GPN1: variants seen among roughly 807,000 people sequenced by gnomAD.
The protein encoded by GPN1 is GPN-loop GTPase 1, also known as ATP(GTP)-binding protein.
Under a neutral mutation model 55.9 loss-of-function variants are expected in GPN1, and 44 were observed. That is an observed-to-expected ratio of 0.79 (90% confidence interval 0.62 to 1.01). GPN1 has a LOEUF of 1.01. Among genes scored for constraint, GPN1 ranks in the 50% least tolerant of loss-of-function variants. The pLI is 0.00. For missense variants in GPN1, 466 were observed against 462.8 expected (o/e 1.01, Z -0.06); for synonymous variants, 179 against 162.5 (o/e 1.10, Z -0.77).
At chr2:27,629,531 T>C (rs1419181554) in intron 1 of GPN1, 1 of 852,574 alleles carries the variant, frequency 1.2e-6, no homozygotes. Flanking sequence ...ACGCCTGTCA[T>C]GTTCCATTCA....
chr2:27,630,921 TAGAAGAGAATGCTGACAGG>T lies in GPN1; in HGVS notation c.206-100_206-82del. The T allele has an allele frequency of 4.2e-6, 3 of 707,006 alleles. No homozygotes were observed. In the South Asian group the frequency reaches 4.5e-5, roughly 11 times the overall value. 43.8% of individuals were successfully genotyped at this position (707,006 alleles called of 1,614,324 possible). On this transcript the variant is annotated intron_variant, in intron 2 of 13. Transcript: ENST00000610189. Reference sequence around the variant, plus strand: ...GAAACCAGTGTGAAAGTGGAGGTGGTAGAAGAGAATGCTGACAGGAGAAGGCTAGAAGGCCAGTTTTACT... The same window carrying T: ...GAAACCAGTGTGAAAGTGGAGGTGGTAGAAGGCTAGAAGGCCAGTTTTACT...
rs776415557 is a variant in GPN1 at position 27,651,199 on chromosome 2, A to C, written c.*999A>C. On this transcript the variant is annotated 3_prime_UTR_variant, in exon 14 of 14. Coordinates refer to ENST00000610189, the MANE Select transcript of GPN1 (RefSeq NM_007266.4). ...ATTTCTTTCAAAGAATTTTATCTCT[A>C]TGAGTCAGTACTCCAACTTAGTGGT... 1.3e-5 allele frequency: 2 copies of C among 152,312 alleles called. No individual in the cohort carries two copies. The highest frequency in any genetic ancestry group is 2.9e-5 in the Non-Finnish European group (2 of 68,042). The allele number at this position is 152,312 out of a possible 1,614,324, so 9.4% of individuals were successfully genotyped here. A position where few individuals can be genotyped will look rare whatever the true frequency, so the allele number is the denominator to read the frequency against.
chr2:27,628,812 A>C (rs1232671455), upstream of GPN1: 2 of 1,487,918 alleles, frequency 1.3e-6, no homozygotes, highest in Non-Finnish European at 8.9e-7. Context: ...GGCTGCAGAG[A>C]TCAGCGCCCT....
At chr2:27,628,458 C>T (rs987375343), upstream of GPN1, 1 of 1,551,368 alleles carries the variant, frequency 6.4e-7, no homozygotes, top group Non-Finnish European at 8.7e-7. Context: ...GGGTGACTGC[C>T]AAGGAATGAG....
intron 4 of GPN1, among the ~76,000 whole-genome samples, chr2:27,632,166 G>A (rs548653881): frequency 1.3e-5 from 2 of 152,264 alleles, no homozygotes; most frequent in East Asian, 1.9e-4. Context: ...GTATTACCCC[G>A]AAGCTGGGAT....
chr2:27,643,145 G>T lies in GPN1; in HGVS notation c.931+626G>T, dbSNP rs190782010. Among the ~76,000 whole-genome samples, 2 of 148,590 alleles carry T rather than the reference G, an allele frequency of 1.3e-5. No homozygotes were observed. The highest frequency in any genetic ancestry group is 4.9e-5 in the African/African-American group (2 of 40,462). Reference sequence around the variant, plus strand: ...GATGTGTGCTGTGGTGGTTTTTTTTGTTTGTTTCTAACACTTTTAACCCTC... The same window carrying T: ...GATGTGTGCTGTGGTGGTTTTTTTTTTTTGTTTCTAACACTTTTAACCCTC... On this transcript the variant is annotated intron_variant, in intron 12 of 13. Coordinates refer to ENST00000610189, the MANE Select transcript of GPN1 (RefSeq NM_007266.4). This position sits in a 1 kb window ranked among gnomAD's most constrained non-coding sequence, Gnocchi z 4.0.
In GPN1 at chr2:27,646,142, A is replaced by G. The variant is rs13420527; in HGVS notation, c.932-1694A>G. Among the ~76,000 whole-genome samples, 1,363 of 152,282 alleles carry G rather than the reference A, an allele frequency of 9.0e-3. 18 individuals are homozygous for G. The highest frequency in any genetic ancestry group is 0.03 in the African/African-American group (1,254 of 41,544). ...CTGCAACCTCCGCCTCCCGGGTTCA[A>G]GCGATTGTTGTGCCTCAGCCTCCTG... On this transcript the variant is annotated intron_variant, in intron 12 of 13. Transcript: ENST00000610189.
In GPN1 at chr2:27,650,633, C is replaced by G. The variant is rs1268595461; in HGVS notation, c.*433C>G. 6.5e-6 allele frequency: 1 copy of G among 153,890 alleles called. No individual in the cohort carries two copies. Among genetic ancestry groups the G allele is most frequent in the East Asian group, 1.9e-4 (1 of 5,370 alleles). The allele number at this position is 153,890 out of a possible 1,614,324, so 9.5% of individuals were successfully genotyped here. ...CTCTTGACCCTGCACTGTAAGTTGC[C>G]CTTCTATTAGCAGCCAAGGAAAAGG... is the stretch of plus-strand genomic sequence containing the variant. On this transcript the variant is annotated 3_prime_UTR_variant, in exon 14 of 14. Transcript: ENST00000610189.
At chr2:27,628,337 T>G, upstream of GPN1, 1 of 1,462,418 alleles carries the variant, frequency 6.8e-7, no homozygotes, top group South Asian at 1.3e-5. Flanking sequence ...TTTCCTGAGT[T>G]TCTGAGGGAC....
At chr2:27,628,551 C>G (rs1229536930), upstream of GPN1, 5 of 1,551,406 alleles carry the variant, frequency 3.2e-6, no homozygotes, top group Non-Finnish European at 4.4e-6. Flanking sequence ...TCGTTCGGTG[C>G]TCAAAGGGTC....
At chr2:27,628,924 G>A (rs1259870391), upstream of GPN1, 3 of 1,497,330 alleles carry the variant, frequency 2.0e-6, no homozygotes, top group Admixed American at 7.2e-5. Context: ...CTAAGAAGAT[G>A]CCCTGGCAAC....
rs534064170 is a variant in GPN1 at position 27,643,525 on chromosome 2, C to T, written c.931+1006C>T. On this transcript the variant is annotated intron_variant, in intron 12 of 13. Transcript: ENST00000610189. The surrounding 1 kb of genome is among the most constrained non-coding windows in gnomAD (Gnocchi z 4.0). ...GACATAATACTATAATATTAGCTAA[C>T]ATATAGATCTTATTCAGATGTAGCC... Among the ~76,000 whole-genome samples, 3 of 152,200 alleles carry T rather than the reference C, an allele frequency of 2.0e-5. No individual in the cohort carries two copies. The highest frequency in any genetic ancestry group is 1.9e-4 in the East Asian group (1 of 5,186).
chr2:27,648,394 C>G (rs958349189), intron 13 of GPN1, among the ~76,000 whole-genome samples: 10 of 152,000 alleles, frequency 6.6e-5, no homozygotes, highest in African/African-American at 1.2e-4. Flanking sequence ...TTACTCACAC[C>G]TGTAGTTCAA....
At position 27,643,692 on chromosome 2, in the gene GPN1, T is replaced by C. The variant is rs1674075429; in HGVS notation, c.931+1173T>C. On this transcript the variant is annotated intron_variant, in intron 12 of 13. Transcript: ENST00000610189. The surrounding 1 kb of genome is among the most constrained non-coding windows in gnomAD (Gnocchi z 4.0). ...ACATTTTTTAAGCATGTAGGATAGT[T>C]ATTTTATAGAGCATCCTTCAGTTTA... Among the ~76,000 whole-genome samples the C allele has an allele frequency of 6.6e-6, 1 of 152,204 alleles. No homozygotes were observed.
At chr2:27,628,514 C>T (rs1425597330), upstream of GPN1, 3 of 1,551,494 alleles carry the variant, frequency 1.9e-6, no homozygotes, top group Non-Finnish European at 2.6e-6. Flanking sequence ...GAACAATGTG[C>T]AAGTGTGGAA....
chr2:27,642,142 A>C (rs1673982781), intron 11 of GPN1: 2 of 298,882 alleles, frequency 6.7e-6, no homozygotes, highest in South Asian at 1.2e-4. Context: ...CAGGGGATCC[A>C]CCCTGGACTG....
intron 2 of GPN1, 59 bp from the exon 3 acceptor site, chr2:27,630,968 C>T: frequency 1.2e-6 from 1 of 828,728 alleles, no homozygotes; most frequent in South Asian, 1.4e-5. Flanking sequence ...GTTTTACTTT[C>T]CTGGTGGTAG....
intron 8 of GPN1, 36 bp from the exon 9 acceptor site, chr2:27,638,849 C>CT (rs1673834148): frequency 2.6e-6 from 4 of 1,566,246 alleles, no homozygotes; most frequent in Non-Finnish European, 3.5e-6. Context: ...CGTTTGTTGG[C>CT]TCTGGTTGCT....
At chr2:27,629,394 A>G (rs1365922320) in intron 1 of GPN1, 2 of 1,551,134 alleles carry the variant, frequency 1.3e-6, no homozygotes, top group South Asian at 2.4e-5. Flanking sequence ...GGTCCAGCTT[A>G]CCACGTTGTA....
Sources: allele counts gnomAD v4.1 joint callset (sites outside exome capture counted in the v4.1 genomes callset), GRCh38; gene constraint gnomAD v4.1.1; non-coding constraint Gnocchi (gnomAD v3.1); transcripts MANE v1.5; gene names NCBI Gene and HGNC (gene_info 2026-07-23, HGNC 2026-07-21).